ASTN2: variants seen among roughly 807,000 people sequenced by gnomAD.
The protein encoded by ASTN2 is astrotactin-2.
Under a neutral mutation model 139.8 loss-of-function variants are expected in ASTN2, and 54 were observed. That is an observed-to-expected ratio of 0.39 (90% CI 0.31 to 0.48). The LOEUF (loss-of-function observed/expected upper bound fraction) is 0.48. Among genes scored for constraint, ASTN2 ranks in the 20% least tolerant of loss-of-function variants. The pLI is 0.95. For synonymous variants in ASTN2, 756 were observed against 719.5 expected, an observed-to-expected ratio of 1.05 and a Z score of -0.81; for missense variants, 1,565 against 1,725.1, an observed-to-expected ratio of 0.91 and a Z score of 1.64.
chr9:117,164,768 C>A (rs1377496831), intron 3 of ASTN2, among the ~76,000 whole-genome samples: 1 of 152,066 alleles, frequency 6.6e-6, no homozygotes, highest in Admixed American at 6.6e-5. Flanking sequence ...CTGCTGTGAA[C>A]TTTGCTGGGA....
chr9:117,252,150 A>G (rs575192481), intron 2 of ASTN2, among the ~76,000 whole-genome samples: 51 of 152,256 alleles, frequency 3.3e-4, no homozygotes, highest in African/African-American at 1.2e-3. Context: ...TCAAATGGAG[A>G]TCAAGGCCAG....
At chr9:116,528,106 T>C (rs1232122137) in intron 19 of ASTN2, among the ~76,000 whole-genome samples, 1 of 152,080 alleles carries the variant, frequency 6.6e-6, no homozygotes, top group Non-Finnish European at 1.5e-5. Flanking sequence ...TGGAACAGTT[T>C]TGAGGGCTCA....
In ASTN2 at chr9:117,017,747, A is replaced by G. The variant is rs534778593; in HGVS notation, c.1424-9488T>C. Reference sequence around the variant, plus strand: ...TTACACATTCCATTTACAATTGTATATCTGTCTGTATATACAATACATATT... The same window carrying G: ...TTACACATTCCATTTACAATTGTATGTCTGTCTGTATATACAATACATATT... On this transcript the variant is annotated intron_variant, in intron 6 of 22. Coordinates refer to ENST00000313400, the MANE Select transcript of ASTN2 (RefSeq NM_001365068.1). Among the ~76,000 whole-genome samples the G allele has an allele frequency of 2.6e-5, 4 of 152,232 alleles. No homozygotes were observed. The South Asian group carries it at 8.3e-4, about 32-fold the overall frequency.
intron 7 of ASTN2, among the ~76,000 whole-genome samples, chr9:117,001,586 T>C (rs2132570975): frequency 6.6e-6 from 1 of 152,298 alleles, no homozygotes. Context: ...GCAGTACAAC[T>C]AAACTGACCT....
chr9:117,143,780 T>TG (rs1437036450), intron 3 of ASTN2, among the ~76,000 whole-genome samples: 1 of 150,640 alleles, frequency 6.6e-6, no homozygotes, highest in Non-Finnish European at 1.5e-5. Context: ...CCTCACTCGG[T>TG]GGGGGAGCAG....
chr9:116,625,093 G>A (rs1359188998), intron 17 of ASTN2, among the ~76,000 whole-genome samples: 1 of 152,112 alleles, frequency 6.6e-6, no homozygotes, highest in African/African-American at 2.4e-5. Flanking sequence ...GGTGCTTCTA[G>A]CCAAAAAGTG....
chr9:116,493,873 TTTC>T (rs979403863), intron 19 of ASTN2, among the ~76,000 whole-genome samples: 4 of 152,072 alleles, frequency 2.6e-5, no homozygotes, highest in African/African-American at 4.8e-5. Context: ...TCCACACTCT[TTTC>T]GGGAAACACC....
At chr9:116,709,559 G>A (rs1448393227) in intron 16 of ASTN2, among the ~76,000 whole-genome samples, 4 of 152,182 alleles carry the variant, frequency 2.6e-5, no homozygotes, top group African/African-American at 7.2e-5. Context: ...ACCACTGCCA[G>A]TGATTTGCTC....
At chr9:117,079,866 G>T (rs921546552) in intron 5 of ASTN2, among the ~76,000 whole-genome samples, 1 of 152,226 alleles carries the variant, frequency 6.6e-6, no homozygotes. Flanking sequence ...GGCTACAATT[G>T]TTCATCACTT....
chr9:116,648,804 C>A (rs536697966), intron 17 of ASTN2, among the ~76,000 whole-genome samples: 11 of 152,014 alleles, frequency 7.2e-5, no homozygotes, highest in African/African-American at 2.4e-4. Context: ...GAGGCTGAGG[C>A]GAGCAGATTG....
rs139112101 is a variant in ASTN2, at chr9:117,218,778, T to G, written c.631-4036A>C. Among the ~76,000 whole-genome samples, 67 of 152,340 alleles carry G rather than the reference T, an allele frequency of 4.4e-4. 1 individual carries two copies. In the East Asian group the frequency reaches 0.012, roughly 27 times the overall value. The stretch of plus-strand genomic sequence containing the variant: ...TCACACAGTTAGAACTAGCTAAGAC[T>G]GGGAGTCAGAAACACAAGGTTGAAA... On this transcript the variant is annotated intron_variant, in intron 2 of 22. Coordinates refer to ENST00000313400, the MANE Select transcript of ASTN2 (RefSeq NM_001365068.1).
At chr9:116,443,184 A>G (rs1487802090) in intron 20 of ASTN2, among the ~76,000 whole-genome samples, 1 of 152,212 alleles carries the variant, frequency 6.6e-6, no homozygotes, top group Non-Finnish European at 1.5e-5. Flanking sequence ...TGAAGAAGAA[A>G]CTTCAGGACC....
At chr9:117,052,600 A>T (rs1467086196) in intron 5 of ASTN2, among the ~76,000 whole-genome samples, 1 of 152,130 alleles carries the variant, frequency 6.6e-6, no homozygotes, top group Non-Finnish European at 1.5e-5. Context: ...ACTTATAAAA[A>T]CTCAGGATGG....
chr9:116,587,810 T>G (rs1442085790), intron 19 of ASTN2, among the ~76,000 whole-genome samples: 1 of 152,010 alleles, frequency 6.6e-6, no homozygotes, highest in African/African-American at 2.4e-5. Flanking sequence ...ATGTATAAAA[T>G]AGTTTATAAA....
At chr9:116,514,904 C>T (rs983646428) in intron 19 of ASTN2, among the ~76,000 whole-genome samples, 3 of 152,110 alleles carry the variant, frequency 2.0e-5, no homozygotes, top group Non-Finnish European at 4.4e-5. Flanking sequence ...CACAGTTTTG[C>T]TTGGCTAGGA....
intron 7 of ASTN2, among the ~76,000 whole-genome samples, chr9:117,001,257 G>T (rs1837183557): frequency 6.6e-6 from 1 of 152,156 alleles, no homozygotes; most frequent in Admixed American, 6.5e-5. Flanking sequence ...GACTCACAAA[G>T]GAGAGACTTC....
intron 22 of ASTN2, among the ~76,000 whole-genome samples, chr9:116,438,515 T>G (rs1847728631): frequency 6.6e-6 from 1 of 152,068 alleles, no homozygotes; most frequent in South Asian, 2.1e-4. Flanking sequence ...GTAGGCCGAG[T>G]TCCTCTAGGG....
At chr9:116,516,734 C>T (rs898573652) in intron 19 of ASTN2, among the ~76,000 whole-genome samples, 3 of 152,212 alleles carry the variant, frequency 2.0e-5, no homozygotes, top group Non-Finnish European at 2.9e-5. Flanking sequence ...TCAGCCCTGG[C>T]TACCAGCTTC....
intron 3 of ASTN2, among the ~76,000 whole-genome samples, chr9:117,166,080 C>G (rs1243286310): frequency 1.3e-5 from 2 of 151,958 alleles, no homozygotes; most frequent in Non-Finnish European, 2.9e-5. Context: ...CAGGTCTTAA[C>G]TTAGTTAACT....
Sources: allele counts gnomAD v4.1 joint callset (sites outside exome capture counted in the v4.1 genomes callset), GRCh38; gene constraint gnomAD v4.1.1; transcripts MANE v1.5; gene names NCBI Gene and HGNC (gene_info 2026-07-23, HGNC 2026-07-21).